ARL15: variants seen among roughly 807,000 people sequenced by gnomAD.
The protein encoded by ARL15 is ADP-ribosylation factor-like protein 15.
ARL15 carries 19 observed loss-of-function variants against 25.2 expected under a neutral mutation model. The ratio of observed to expected loss-of-function variants is 0.75; its 90% confidence interval spans 0.53 to 1.10. The LOEUF is 1.10. ARL15 is among the 50% of genes least tolerant of loss of function. ARL15 has a pLI of 0.00. For missense variants in ARL15, 220 were observed against 246.0 expected (o/e 0.89, Z 0.71); for synonymous variants, 94 against 86.8 (o/e 1.08, Z -0.46).
At chr5:54,074,892 C>T (rs543981987) in intron 4 of ARL15, among the ~76,000 whole-genome samples, 144 of 151,258 alleles carry the variant, frequency 9.5e-4, no homozygotes, top group Non-Finnish European at 1.1e-3. Flanking sequence ...TTCACTTCCC[C>T]AGGTCTCAGT....
chr5:54,119,524 GAAAA>G (rs1753009466), intron 3 of ARL15, among the ~76,000 whole-genome samples: 1 of 152,066 alleles, frequency 6.6e-6, no homozygotes, highest in South Asian at 2.1e-4. Flanking sequence ...TACTTGTCCA[GAAAA>G]CTAGCTCAAA....
chr5:53,938,953 T>C (rs113575945), intron 4 of ARL15, among the ~76,000 whole-genome samples: 5 of 152,380 alleles, frequency 3.3e-5, no homozygotes, highest in East Asian at 1.9e-4. Context: ...GTTAGCATCA[T>C]AAAATTACGC....
At chr5:54,045,059 C>T (rs887682108) in intron 4 of ARL15, among the ~76,000 whole-genome samples, 10 of 152,194 alleles carry the variant, frequency 6.6e-5, no homozygotes, top group Non-Finnish European at 1.3e-4. Flanking sequence ...GGCTATACCA[C>T]AAGTTATATA....
At chr5:54,011,233 G>C (rs1243129773) in intron 4 of ARL15, among the ~76,000 whole-genome samples, 1 of 143,990 alleles carries the variant, frequency 6.9e-6, no homozygotes, top group Non-Finnish European at 1.5e-5. Context: ...TGAATATCCA[G>C]AGTTCTATAC....
At chr5:54,190,082 G>A (rs549474965) in intron 1 of ARL15, among the ~76,000 whole-genome samples, 1 of 152,238 alleles carries the variant, frequency 6.6e-6, no homozygotes, top group African/African-American at 2.4e-5. Context: ...CTAATCATCA[G>A]GAAAATACAA....
chr5:54,057,581 G>T (rs1384222907), intron 4 of ARL15, among the ~76,000 whole-genome samples: 1 of 152,186 alleles, frequency 6.6e-6, no homozygotes. Context: ...GGGCATAAGT[G>T]GCTCATGCCT....
chr5:54,006,813 G>A (rs929773969), intron 4 of ARL15, among the ~76,000 whole-genome samples: 1 of 152,032 alleles, frequency 6.6e-6, no homozygotes, highest in Non-Finnish European at 1.5e-5. Flanking sequence ...AAAACAGGCG[G>A]GGTGCGGTGG....
At chr5:54,030,195 G>A (rs1167085984) in intron 4 of ARL15, among the ~76,000 whole-genome samples, 1 of 152,160 alleles carries the variant, frequency 6.6e-6, no homozygotes, top group East Asian at 1.9e-4. Flanking sequence ...TTCTGAAAGT[G>A]AGTCAGGATA....
intron 4 of ARL15, among the ~76,000 whole-genome samples, chr5:54,078,373 G>A (rs1014838775): frequency 1.3e-4 from 20 of 152,168 alleles, no homozygotes; most frequent in African/African-American, 4.8e-4. Context: ...ATAATTCATT[G>A]TCCAACACCA....
At chr5:54,152,566 T>C (rs1258470094) in intron 3 of ARL15, among the ~76,000 whole-genome samples, 1 of 152,138 alleles carries the variant, frequency 6.6e-6, no homozygotes, top group Non-Finnish European at 1.5e-5. Context: ...GCTATTAAAG[T>C]TGAGAAAGTA....
intron 4 of ARL15, among the ~76,000 whole-genome samples, chr5:54,041,923 T>C (rs2111948329): frequency 6.6e-6 from 1 of 152,194 alleles, no homozygotes; most frequent in South Asian, 2.1e-4. Flanking sequence ...TCATTTATTC[T>C]AGTTGGGAAT....
chr5:54,299,584 CTTT>C (rs752417066), intron 1 of ARL15, among the ~76,000 whole-genome samples: 2,464 of 79,030 alleles, frequency 0.031, 9 homozygotes, highest in African/African-American at 0.081. Context: ...TAGCTATTAG[CTTT>C]TTTTTTTTTT....
At chr5:54,058,036 G>A (rs867977130) in intron 4 of ARL15, among the ~76,000 whole-genome samples, 18 of 143,836 alleles carry the variant, frequency 1.3e-4, no homozygotes, top group South Asian at 6.5e-4. Flanking sequence ...ACAAAGTCTC[G>A]CTCTTGTTCC....
chr5:54,101,610 A>C (rs1184638760), intron 4 of ARL15, among the ~76,000 whole-genome samples: 1 of 152,200 alleles, frequency 6.6e-6, no homozygotes, highest in Non-Finnish European at 1.5e-5. Flanking sequence ...ATTTAACAAT[A>C]TGAAAAGAAA....
intron 4 of ARL15, among the ~76,000 whole-genome samples, chr5:54,070,233 A>C (rs531030469): frequency 2.0e-4 from 31 of 151,590 alleles, no homozygotes; most frequent in African/African-American, 7.3e-4. Flanking sequence ...TCTACTAAAA[A>C]TACAAAAAAT....
In ARL15 at chr5:54,028,511, TAA is replaced by T. The variant is rs71598893; in HGVS notation, c.462+84689_462+84690del. 1.6e-3 allele frequency among the ~76,000 whole-genome samples: 233 copies of T among 144,988 alleles called. 1 individual carries two copies. The highest frequency in any genetic ancestry group is 2.2e-3 in the Non-Finnish European group (143 of 66,418). On this transcript the variant is annotated intron_variant, in intron 4 of 4. Transcript: ENST00000504924. ...GAGGGGAATCTTCTTTTTAGTAAAT[TAA>T]AAAAAAAAAAAAACCACAACTGAAT... is the stretch of plus-strand genomic sequence containing the variant.
chr5:54,259,425 G>A (rs1757442976), intron 1 of ARL15, among the ~76,000 whole-genome samples: 1 of 152,116 alleles, frequency 6.6e-6, no homozygotes, highest in Non-Finnish European at 1.5e-5. Flanking sequence ...ATGAGGATGT[G>A]ATTTTTCAGC....
intron 4 of ARL15, among the ~76,000 whole-genome samples, chr5:53,921,557 G>GA (rs1397982505): frequency 3.9e-5 from 6 of 152,214 alleles, no homozygotes; most frequent in Non-Finnish European, 5.9e-5. Context: ...TGGATCACTT[G>GA]AGGTCAGGAG....
At chr5:54,002,628 G>A (rs1279362984) in intron 4 of ARL15, among the ~76,000 whole-genome samples, 3 of 152,078 alleles carry the variant, frequency 2.0e-5, no homozygotes, top group African/African-American at 7.2e-5. Context: ...AACAAATTTT[G>A]GAATAAAAAC....
Sources: allele counts gnomAD v4.1 joint callset (sites outside exome capture counted in the v4.1 genomes callset), GRCh38; gene constraint gnomAD v4.1.1; transcripts MANE v1.5; gene names NCBI Gene and HGNC (gene_info 2026-07-23, HGNC 2026-07-21).